The following MGAM2 variants were observed in gnomAD, a reference collection of about 807,000 sequenced individuals.
The protein encoded by MGAM2 is probable maltase-glucoamylase 2.
A neutral mutation model predicts 96.1 loss-of-function variants in MGAM2; 98 were observed. That is an observed-to-expected ratio of 1.02 (90% CI 0.87 to 1.21). The LOEUF (loss-of-function observed/expected upper bound fraction) is 1.21. Among genes scored for constraint, MGAM2 ranks in the 50% most tolerant of loss-of-function variants. The pLI is 0.00. For missense variants in MGAM2, 2,055 were observed against 1,182.4 expected (o/e 1.74, Z -10.82); for synonymous variants, 749 against 414.8 (o/e 1.81, Z -9.79).
At chr7:142,147,594 C>G (rs1167476811) in intron 15 of MGAM2, 21 bp downstream of exon 15, 1 of 697,358 alleles carries the variant, frequency 1.4e-6, no homozygotes, top group South Asian at 1.5e-5. Flanking sequence ...GGTTTTCACC[C>G]TAATTCCAGA....
chr7:142,144,834 C>T (rs926438018), intron 13 of MGAM2, 27 bp from the exon 14 acceptor site: 9 of 692,908 alleles, frequency 1.3e-5, no homozygotes, highest in Non-Finnish European at 1.8e-5. Context: ...TCGCATTTTA[C>T]ACTTTGTGTG....
At chr7:142,165,145 A>G (rs1407132449) in intron 24 of MGAM2, 122 bp downstream of exon 24, 7 of 524,006 alleles carry the variant, frequency 1.3e-5, no homozygotes, top group Admixed American at 1.1e-4. Context: ...GGTCCAACAC[A>G]TCACAGAAAG....
At chr7:142,204,400 ACTT>A (rs1384587073) in intron 45 of MGAM2, among the ~76,000 whole-genome samples, 2 of 152,058 alleles carry the variant, frequency 1.3e-5, no homozygotes, top group Non-Finnish European at 2.9e-5. Flanking sequence ...GAATTAAACA[ACTT>A]CTCTCTTCAG....
intron 32 of MGAM2, among the ~76,000 whole-genome samples, chr7:142,181,882 C>T (rs1796555080): frequency 6.6e-6 from 1 of 152,172 alleles, no homozygotes. Flanking sequence ...CTTGCTCTCC[C>T]CCAACTGAGT....
intron 1 of MGAM2, among the ~76,000 whole-genome samples, chr7:142,113,013 A>G (rs185264206): frequency 3.9e-4 from 60 of 152,260 alleles, no homozygotes; most frequent in Admixed American, 5.9e-4. Flanking sequence ...CCTCTATTTC[A>G]ATATTAAAGT....
chr7:142,196,516 C>T (rs774740151), intron 38 of MGAM2, 49 bp from the exon 39 acceptor site: 6 of 706,572 alleles, frequency 8.5e-6, no homozygotes, highest in African/African-American at 7.0e-5. Flanking sequence ...CCTTCACTCT[C>T]CTCCCAAAGT....
chr7:142,175,732 T>C lies in MGAM2; in HGVS notation c.3768T>C (p.Leu1256=). The C allele has an allele frequency of 1.4e-6, 1 of 702,840 alleles. No individual in the cohort carries two copies. The highest frequency in any genetic ancestry group is 2.6e-6 in the Non-Finnish European group (1 of 384,964). 43.5% of individuals were successfully genotyped at this position (702,840 alleles called of 1,614,324 possible). The change falls in exon 32 of 48, where the codon CTT becomes CTC. Residue 1256 remains leucine (L), a synonymous_variant. Transcript: ENST00000477922. ...GTGCCAACTTTCAAAACCTCAGTCT[T>C]CTGATTGAGCAAATGAAGAAAAATG... ...TLSANFQNLS[L]LIEQMKKNGM...
intron 32 of MGAM2, among the ~76,000 whole-genome samples, chr7:142,176,108 A>AAAAAAGT (rs1554509686): frequency 1.7e-5 from 2 of 114,848 alleles, no homozygotes; most frequent in Non-Finnish European, 3.6e-5. Flanking sequence ...AAAAAAAAAA[A>AAAAAAGT]GGGGGGGGCA....
chr7:142,186,972 T>C (rs63608061), intron 35 of MGAM2, among the ~76,000 whole-genome samples: 3 of 145,532 alleles, frequency 2.1e-5, no homozygotes, highest in South Asian at 4.4e-4. Flanking sequence ...TTTTTTTTTT[T>C]CCAATGGAGG....
chr7:142,219,561 A>G (rs953419729), intron 47 of MGAM2, among the ~76,000 whole-genome samples: 5 of 152,322 alleles, frequency 3.3e-5, no homozygotes, highest in African/African-American at 1.2e-4. Context: ...CTAAAACCCA[A>G]TGGCAAAGCA....
chr7:142,131,266 C>T (rs543953234), intron 4 of MGAM2, among the ~76,000 whole-genome samples, 195 bp downstream of exon 4: 4 of 152,180 alleles, frequency 2.6e-5, no homozygotes, highest in South Asian at 4.1e-4. Context: ...GGTGAAACCC[C>T]GTCTCTACTA....
chr7:142,208,028 G>A (rs1303993791), intron 45 of MGAM2, among the ~76,000 whole-genome samples: 2 of 152,086 alleles, frequency 1.3e-5, no homozygotes, highest in Non-Finnish European at 2.9e-5. Flanking sequence ...CACTTATTGT[G>A]CACAAGCCGA....
chr7:142,196,802 A>G lies in MGAM2; in HGVS notation c.4618A>G (p.Asn1540Asp), dbSNP rs59309619. 3.0e-3 allele frequency: 2,337 copies of G among 781,088 alleles called. 40 individuals are homozygous for G. The African/African-American group carries it at 0.035, about 12-fold the overall frequency. The allele number at this position is 781,088 out of a possible 1,614,324, so 48.4% of individuals were successfully genotyped here. A position where few individuals can be genotyped will look rare whatever the true frequency, so the allele number is the denominator to read the frequency against. The change falls in exon 40 of 48, where the codon AAC becomes GAC. Residue 1540 changes from asparagine to aspartate, a missense_variant. Physicochemically the swap from Asn to Asp is conservative, Grantham distance 23 (BLOSUM62 1). Coordinates refer to ENST00000477922, the MANE Select transcript of MGAM2 (RefSeq NM_001293626.2). ...AFYPFSRNHN[N>D]IGTRRQDPVA... is the part of the protein sequence containing the mutation. ...TTATCCATTTTCCAGAAACCACAAC[A>G]ACATCGGGACAAGGGTGAGGCAGTA...
Position 142,166,201 on chromosome 7 carries a change from ATGATC to A in MGAM2, c.2757_2761del (p.Asp920AsnfsTer4). On this transcript the variant is annotated frameshift_variant, in exon 25 of 48. Coordinates refer to ENST00000477922, the MANE Select transcript of MGAM2 (RefSeq NM_001293626.2). LOFTEE classifies it high-confidence loss of function. ...CTGGAGAAGTTCAACTGCTACCCTG[ATGATC>A]CAACAGCCTCTGAGGAGAGTTGTAG... The A allele has an allele frequency of 1.4e-6, 1 of 702,648 alleles. No individual in the cohort carries two copies. The highest frequency in any genetic ancestry group is 2.6e-6 in the Non-Finnish European group (1 of 384,814). The allele number at this position is 702,648 out of a possible 1,614,324, so 43.5% of individuals were successfully genotyped here.
chr7:142,149,839 C>A (rs1467943490), intron 15 of MGAM2, among the ~76,000 whole-genome samples: 2 of 152,176 alleles, frequency 1.3e-5, no homozygotes, highest in East Asian at 1.9e-4. Flanking sequence ...CCGCGCCCGG[C>A]CTTACTTGGA....
At position 142,148,305 on chromosome 7, in the gene MGAM2, CA is replaced by C. The variant is rs902855861; in HGVS notation, c.1634+733del. Among the ~76,000 whole-genome samples, 2 of 151,352 alleles carry C rather than the reference CA, an allele frequency of 1.3e-5. No homozygotes were observed. Among genetic ancestry groups the C allele is most frequent in the African/African-American group, 4.9e-5 (2 of 41,186 alleles). ...CACTATCACCATCACCACCACCCAC[CA>C]TGACCACCATTCACCATCACCATCA... On this transcript the variant is annotated intron_variant, in intron 15 of 47. Coordinates refer to ENST00000477922, the MANE Select transcript of MGAM2 (RefSeq NM_001293626.2). The surrounding 1 kb of genome is among the most constrained non-coding windows in gnomAD (Gnocchi z 4.2).
rs1436261058 is a variant in MGAM2, at chr7:142,197,627, C to A, written c.4782-17C>A. On this transcript the variant is annotated splice_polypyrimidine_tract_variant and intron_variant, in intron 41 of 47. Coordinates refer to ENST00000477922, the MANE Select transcript of MGAM2 (RefSeq NM_001293626.2). ...TCATAAGAGGATAGGTGAATTTTTCCTGTTTATTTTTTTAAGGTTTACGGA... is the reference window on the plus strand; with the variant it reads ...TCATAAGAGGATAGGTGAATTTTTCATGTTTATTTTTTTAAGGTTTACGGA... 2 of 702,754 alleles carry A rather than the reference C, an allele frequency of 2.8e-6. No homozygotes were observed. The highest frequency in any genetic ancestry group is 5.2e-6 in the Non-Finnish European group (2 of 384,994). 43.5% of individuals were successfully genotyped at this position (702,754 alleles called of 1,614,324 possible).
At chr7:142,127,815 T>C (rs1794770908) in intron 3 of MGAM2, among the ~76,000 whole-genome samples, 1 of 152,224 alleles carries the variant, frequency 6.6e-6, no homozygotes, top group Non-Finnish European at 1.5e-5. Flanking sequence ...TTAAATGTCT[T>C]TCCTTTATAA....
intron 46 of MGAM2, among the ~76,000 whole-genome samples, chr7:142,211,939 G>T (rs991953053): frequency 6.6e-6 from 1 of 152,198 alleles, no homozygotes; most frequent in Non-Finnish European, 1.5e-5. Context: ...GTCAGCCAGA[G>T]AGGAAGGTTG....
Sources: allele counts gnomAD v4.1 joint callset (sites outside exome capture counted in the v4.1 genomes callset), GRCh38; gene constraint gnomAD v4.1.1; non-coding constraint Gnocchi (gnomAD v3.1); transcripts MANE v1.5; gene names NCBI Gene and HGNC (gene_info 2026-07-23, HGNC 2026-07-21).